Variants in BNC2 observed in about 807,000 individuals in gnomAD.
The protein encoded by BNC2 is basonuclin zinc finger protein 2, also known as zinc finger protein basonuclin-2.
Under a neutral mutation model 76.3 loss-of-function variants are expected in BNC2, and 20 were observed. The ratio of observed to expected loss-of-function variants is 0.26; its 90% confidence interval spans 0.18 to 0.38. The LOEUF (loss-of-function observed/expected upper bound fraction) is 0.38. Ranked by LOEUF, BNC2 falls within the 10% of genes least tolerant of loss-of-function variation. The pLI is 1.00. For synonymous variants in BNC2, 582 were observed against 514.8 expected (o/e 1.13, Z -1.77); for missense variants, 1,382 against 1,399.8 (o/e 0.99, Z 0.20).
chr9:16,470,485 G>A (rs954845640), intron 5 of BNC2, among the ~76,000 whole-genome samples: 30 of 152,232 alleles, frequency 2.0e-4, no homozygotes, highest in African/African-American at 7.2e-4. Context: ...CCATGTCAGA[G>A]AACTTCCTGT....
intron 3 of BNC2, among the ~76,000 whole-genome samples, chr9:16,646,671 T>C (rs1821636372): frequency 1.3e-5 from 2 of 152,178 alleles, no homozygotes; most frequent in South Asian, 2.1e-4. Context: ...GATAGTTTAA[T>C]ATGAGTATAC....
rs985537327 is a variant in BNC2 at position 16,410,972 on chromosome 9, C to T, written c.*8017G>A. ...TCATGAATCATGCTTCTCGCAGTGG[C>T]CACAGCACCGATTCACAGATGGGGT... is the stretch of plus-strand genomic sequence containing the variant. On this transcript the variant is annotated 3_prime_UTR_variant, in exon 7 of 7. Coordinates refer to ENST00000380672, the MANE Select transcript of BNC2 (RefSeq NM_017637.6). 5.3e-5 allele frequency: 8 copies of T among 152,222 alleles called. No individual in the cohort carries two copies. Among genetic ancestry groups the T allele is most frequent in the Admixed American group, 3.9e-4 (6 of 15,288 alleles). 9.4% of individuals were successfully genotyped at this position (152,222 alleles called of 1,614,324 possible). A position where few individuals can be genotyped will look rare whatever the true frequency, so the allele number is the denominator to read the frequency against.
intron 3 of BNC2, among the ~76,000 whole-genome samples, chr9:16,724,953 G>T (rs1824266169): frequency 6.6e-6 from 1 of 151,518 alleles, no homozygotes; most frequent in Non-Finnish European, 1.5e-5. Context: ...TACTATTAAA[G>T]AAAACTTTAA....
At position 16,472,831 on chromosome 9, in the gene BNC2, G is replaced by C. The variant is rs188400635; in HGVS notation, c.670-35307C>G. On this transcript the variant is annotated intron_variant, in intron 5 of 6. Coordinates refer to ENST00000380672, the MANE Select transcript of BNC2 (RefSeq NM_017637.6). ...GTGAAATATAAAAAATTAAGTTTTA[G>C]TTATGTTGATATGGATTTGTGGATC... is the stretch of plus-strand genomic sequence containing the variant. Among the ~76,000 whole-genome samples, 230 of 152,346 alleles carry C rather than the reference G, an allele frequency of 1.5e-3. 1 individual carries two copies. The highest frequency in any genetic ancestry group is 5.3e-3 in the African/African-American group (220 of 41,586).
chr9:16,866,652 TCTGTCA>T (rs1166714855), intron 1 of BNC2, among the ~76,000 whole-genome samples: 1 of 137,318 alleles, frequency 7.3e-6, no homozygotes, highest in Non-Finnish European at 1.5e-5. Flanking sequence ...TTCTTTTGCT[TCTGTCA>T]CTTTTAAAAA....
At chr9:16,691,065 T>C (rs1008021193) in intron 3 of BNC2, among the ~76,000 whole-genome samples, 3 of 152,172 alleles carry the variant, frequency 2.0e-5, no homozygotes, top group African/African-American at 7.2e-5. Context: ...ATACCTTGTT[T>C]TTATACTGTG....
In BNC2 at chr9:16,724,585, T is replaced by C. The variant is rs76879943; in HGVS notation, c.330+3212A>G. On this transcript the variant is annotated intron_variant, in intron 3 of 6. Coordinates refer to ENST00000380672, the MANE Select transcript of BNC2 (RefSeq NM_017637.6). Reference sequence around the variant, plus strand: ...ACAGGCACAGGAAAATGTAGTCAAATAGACTTCACTTGAACTTTAGGGGCA... The same window carrying C: ...ACAGGCACAGGAAAATGTAGTCAAACAGACTTCACTTGAACTTTAGGGGCA... Among the ~76,000 whole-genome samples, 784 of 152,170 alleles carry C rather than the reference T, an allele frequency of 5.2e-3. 7 individuals carry two copies. The highest frequency in any genetic ancestry group is 0.018 in the African/African-American group (734 of 41,556).
chr9:16,430,027 A>T (rs748406737), intron 6 of BNC2: 1 of 499,892 alleles, frequency 2.0e-6, no homozygotes, highest in Admixed American at 2.1e-5. Flanking sequence ...GACAGGAATG[A>T]CACTGAAGTT....
chr9:16,422,020 A>G (rs1686033783), intron 6 of BNC2, among the ~76,000 whole-genome samples: 1 of 152,238 alleles, frequency 6.6e-6, no homozygotes, highest in African/African-American at 2.4e-5. Context: ...CAGCAGTTGC[A>G]TCAAGACACA....
chr9:16,808,274 C>T (rs1817960082), intron 1 of BNC2, among the ~76,000 whole-genome samples: 1 of 151,914 alleles, frequency 6.6e-6, no homozygotes, highest in African/African-American at 2.4e-5. Context: ...AATTACCCAC[C>T]ATTTTCATTA....
intron 1 of BNC2, among the ~76,000 whole-genome samples, chr9:16,861,724 T>G (rs1183319185): frequency 6.6e-6 from 1 of 152,178 alleles, no homozygotes; most frequent in East Asian, 1.9e-4. Flanking sequence ...GCGCGGTGGC[T>G]CACGCCTGAA....
chr9:16,579,871 T>C, intron 4 of BNC2: 2 of 376,198 alleles, frequency 5.3e-6, no homozygotes, highest in Non-Finnish European at 4.7e-6. Flanking sequence ...TACATGATTT[T>C]GGCATTTGGT....
intron 3 of BNC2, among the ~76,000 whole-genome samples, chr9:16,698,606 T>C (rs1823410909): frequency 6.6e-6 from 1 of 151,954 alleles, no homozygotes; most frequent in Non-Finnish European, 1.5e-5. Flanking sequence ...GGCAGGAGAA[T>C]CGCTTGAACC....
intron 5 of BNC2, among the ~76,000 whole-genome samples, chr9:16,493,487 T>C (rs1016663784): frequency 1.3e-4 from 20 of 152,176 alleles, no homozygotes; most frequent in African/African-American, 4.8e-4. Flanking sequence ...GGCAACATGG[T>C]AGGTAGACTA....
At chr9:16,565,797 G>C (rs1037943375) in intron 4 of BNC2, among the ~76,000 whole-genome samples, 1 of 147,502 alleles carries the variant, frequency 6.8e-6, no homozygotes, top group African/African-American at 2.5e-5. Flanking sequence ...AAAAGAATGA[G>C]CCCCATCTCA....
At chr9:16,792,276 A>G in intron 1 of BNC2, among the ~76,000 whole-genome samples, 1 of 152,178 alleles carries the variant, frequency 6.6e-6, no homozygotes. Context: ...AAGAAGTCAA[A>G]TAACTTGTCC....
chr9:16,456,378 G>A (rs1200191153), intron 5 of BNC2, among the ~76,000 whole-genome samples: 1 of 151,810 alleles, frequency 6.6e-6, no homozygotes, highest in Admixed American at 6.6e-5. Context: ...GATCAAAAAG[G>A]CAAAGTTTAT....
chr9:16,619,886 C>T (rs1292886308), intron 3 of BNC2, among the ~76,000 whole-genome samples: 1 of 152,108 alleles, frequency 6.6e-6, no homozygotes, highest in African/African-American at 2.4e-5. Context: ...TTTAAGTTTC[C>T]TTGCTTAAAA....
chr9:16,818,233 T>C (rs1818229688), intron 1 of BNC2, among the ~76,000 whole-genome samples: 1 of 152,012 alleles, frequency 6.6e-6, no homozygotes, highest in South Asian at 2.1e-4. Context: ...TGAAACCCCG[T>C]CTCTACTAAA....
Sources: gnomAD v4.1 joint callset for allele counts (sites outside exome capture counted in the v4.1 genomes callset) on GRCh38, gnomAD v4.1.1 for gene constraint, MANE v1.5 for transcripts, NCBI Gene and HGNC (gene_info 2026-07-23, HGNC 2026-07-21) for gene names.